Variants in VPS8 observed in about 807,000 individuals in gnomAD.
VPS8 encodes the protein VPS8 subunit of CORVET complex.
A neutral mutation model predicts 216.4 loss-of-function variants in VPS8; 129 were observed. The ratio of observed to expected loss-of-function variants is 0.60; its 90% CI spans 0.52 to 0.69. The LOEUF (loss-of-function observed/expected upper bound fraction) is 0.69. Among genes scored for constraint, VPS8 ranks in the 30% least tolerant of loss-of-function variants. The probability of loss-of-function intolerance (pLI) is 0.00; values close to 1 mark genes in which losing one functional copy is unlikely to be tolerated. For missense variants in VPS8, 1,531 were observed against 1,683.5 expected (o/e 0.91, Z 1.59); for synonymous variants, 571 against 565.4 (o/e 1.01, Z -0.14).
chr3:184,863,737 C>T (rs1043841089), intron 16 of VPS8, among the ~76,000 whole-genome samples: 2 of 152,052 alleles, frequency 1.3e-5, no homozygotes, highest in African/African-American at 4.8e-5. Flanking sequence ...TCCTAAACCA[C>T]AAATCTTTAA....
At chr3:184,993,360 T>G (rs1561022832) in intron 42 of VPS8, among the ~76,000 whole-genome samples, 1 of 151,304 alleles carries the variant, frequency 6.6e-6, no homozygotes, top group African/African-American at 2.4e-5. Flanking sequence ...TTTTGTTTTT[T>G]GGGTTTTTTT....
intron 19 of VPS8, 27 bp downstream of exon 19, chr3:184,869,063 A>T: frequency 6.3e-7 from 1 of 1,581,112 alleles, no homozygotes; most frequent in Middle Eastern, 1.7e-4. Flanking sequence ...CCAGTGTAGT[A>T]GACGTGGTTC....
At chr3:184,994,136 A>G in intron 43 of VPS8, 73 bp downstream of exon 43, 2 of 1,119,276 alleles carry the variant, frequency 1.8e-6, no homozygotes, top group Non-Finnish European at 2.5e-6. Flanking sequence ...TTTTGTACCT[A>G]TACTTAAAAA....
At chr3:184,828,574 A>G (rs993423412) in intron 3 of VPS8, among the ~76,000 whole-genome samples, 1 of 151,874 alleles carries the variant, frequency 6.6e-6, no homozygotes, top group Admixed American at 6.6e-5. Context: ...TTGAAATTCC[A>G]TTCTTTAACT....
intron 20 of VPS8, 69 bp from the exon 21 acceptor site, chr3:184,870,647 G>C: frequency 9.0e-7 from 1 of 1,107,584 alleles, no homozygotes; most frequent in Middle Eastern, 2.0e-4. Flanking sequence ...TTATTTAGGA[G>C]AGCCACATAC....
At chr3:185,045,121 A>C (rs1712564390) in intron 46 of VPS8, among the ~76,000 whole-genome samples, 1 of 47,522 alleles carries the variant, frequency 2.1e-5, no homozygotes, top group East Asian at 1.3e-3. Context: ...AAAGGTGGAA[A>C]TATGCTTCTC....
chr3:184,881,501 A>G (rs530926131), intron 21 of VPS8, among the ~76,000 whole-genome samples: 5 of 152,114 alleles, frequency 3.3e-5, no homozygotes, highest in Non-Finnish European at 5.9e-5. Context: ...ATTTTGTTCC[A>G]TTGATCCGTG....
chr3:184,850,635 A>G (rs1271523134), intron 10 of VPS8, among the ~76,000 whole-genome samples: 9 of 152,238 alleles, frequency 5.9e-5, no homozygotes, highest in South Asian at 2.1e-4. Flanking sequence ...TATAAATACA[A>G]TGTGAATGTT....
At chr3:184,991,844 G>A (rs1157258528) in intron 42 of VPS8, among the ~76,000 whole-genome samples, 38 of 152,136 alleles carry the variant, frequency 2.5e-4, no homozygotes, top group Admixed American at 2.5e-3. Flanking sequence ...TGAAATATCT[G>A]TATCTTGCCT....
chr3:184,907,296 A>G (rs1402868606), intron 25 of VPS8, among the ~76,000 whole-genome samples: 1 of 152,190 alleles, frequency 6.6e-6, no homozygotes, highest in Non-Finnish European at 1.5e-5. Context: ...TACATAAACA[A>G]TAGGGCAGAG....
intron 40 of VPS8, among the ~76,000 whole-genome samples, chr3:184,980,259 A>G (rs952587029): frequency 6.7e-6 from 1 of 150,268 alleles, no homozygotes; most frequent in African/African-American, 2.5e-5. Flanking sequence ...TCTGATGACC[A>G]TGTGTCTCGG....
chr3:184,955,061 G>A (rs1296414299), intron 36 of VPS8, among the ~76,000 whole-genome samples: 3 of 152,192 alleles, frequency 2.0e-5, no homozygotes, highest in Non-Finnish European at 4.4e-5. Context: ...AAGTGGTAAC[G>A]CCAGTGTCTG....
intron 40 of VPS8, among the ~76,000 whole-genome samples, chr3:184,980,214 GC>G (rs1414318522): frequency 3.3e-5 from 5 of 151,636 alleles, no homozygotes; most frequent in Admixed American, 2.0e-4. Flanking sequence ...CTTTCTAGCG[GC>G]CTTTAGTTTT....
chr3:184,935,663 C>T (rs1741479719), intron 34 of VPS8, among the ~76,000 whole-genome samples: 3 of 151,980 alleles, frequency 2.0e-5, no homozygotes, highest in Admixed American at 2.0e-4. Context: ...CAGTAGTGTC[C>T]AGGAAAGTCC....
At chr3:184,883,389 A>G (rs536896079) in intron 21 of VPS8, among the ~76,000 whole-genome samples, 1 of 152,306 alleles carries the variant, frequency 6.6e-6, no homozygotes, top group South Asian at 2.1e-4. Flanking sequence ...GGTGTTCCTC[A>G]GATCTGCTGT....
chr3:184,825,670 G>T (rs1443784081), intron 2 of VPS8, among the ~76,000 whole-genome samples: 1 of 152,194 alleles, frequency 6.6e-6, no homozygotes, highest in African/African-American at 2.4e-5. Flanking sequence ...ATGAGGCCGA[G>T]ATGGGTGGAT....
intron 46 of VPS8, among the ~76,000 whole-genome samples, chr3:185,046,757 G>A (rs922759863): frequency 6.6e-6 from 1 of 152,204 alleles, no homozygotes; most frequent in South Asian, 2.1e-4. Flanking sequence ...AACTGAGACT[G>A]AGAGAAGCTA....
At chr3:184,842,123 C>G (rs1349437895) in intron 7 of VPS8, among the ~76,000 whole-genome samples, 1 of 135,894 alleles carries the variant, frequency 7.4e-6, no homozygotes, top group Admixed American at 8.4e-5. Flanking sequence ...GGAGGCGGAG[C>G]TTGCAGTGAG....
intron 22 of VPS8, among the ~76,000 whole-genome samples, chr3:184,893,640 C>T (rs1360774483): frequency 1.3e-5 from 2 of 152,112 alleles, no homozygotes; most frequent in Non-Finnish European, 2.9e-5. Context: ...TGCTGTGATG[C>T]TTTTTGAAGA....
Sources: gnomAD v4.1 joint callset for allele counts (sites outside exome capture counted in the v4.1 genomes callset) on GRCh38, gnomAD v4.1.1 for gene constraint, MANE v1.5 for transcripts, NCBI Gene and HGNC (gene_info 2026-07-23, HGNC 2026-07-21) for gene names.